MAML2: variants seen among roughly 807,000 people sequenced by gnomAD.
MAML2 encodes the protein mastermind-like protein 2.
In MAML2, 22 loss-of-function variants were observed where a neutral mutation model predicts 96.1. The ratio of observed to expected loss-of-function variants is 0.23; its 90% confidence interval spans 0.16 to 0.33. MAML2 has a LOEUF of 0.33. Among genes scored for constraint, MAML2 ranks in the 10% least tolerant of loss-of-function variants. The pLI, the probability that MAML2 is intolerant of heterozygous loss-of-function variation, is 1.00. For missense variants in MAML2, 1,367 were observed against 1,392.4 expected (o/e 0.98, Z 0.29); for synonymous variants, 561 against 521.3 (o/e 1.08, Z -1.04).
intron 1 of MAML2, among the ~76,000 whole-genome samples, chr11:96,223,497 C>T (rs1294708240): frequency 6.6e-6 from 1 of 152,052 alleles, no homozygotes; most frequent in Non-Finnish European, 1.5e-5. Context: ...ATTTGTCTTG[C>T]CCTGAGTCCT....
rs75490745 is a variant in MAML2 at position 96,224,044 on chromosome 11, C to A, written c.513+117339G>T. On this transcript the variant is annotated intron_variant, in intron 1 of 4. Transcript: ENST00000524717. The stretch of plus-strand genomic sequence containing the variant: ...TTATATTATCTTTGGAGTTAGACAA[C>A]CCTAGATCTGACTTGTCATTCTGCC... 2.0e-4 allele frequency among the ~76,000 whole-genome samples: 30 copies of A among 152,242 alleles called. No homozygotes were observed. The East Asian group carries it at 3.3e-3, about 17-fold the overall frequency.
At chr11:96,120,604 A>G (rs1260463834) in intron 1 of MAML2, among the ~76,000 whole-genome samples, 1 of 152,234 alleles carries the variant, frequency 6.6e-6, no homozygotes, top group Non-Finnish European at 1.5e-5. Context: ...TAATTATATC[A>G]TTAAGTCTTT....
At chr11:96,062,093 C>A (rs1859170432) in intron 2 of MAML2, among the ~76,000 whole-genome samples, 1 of 152,074 alleles carries the variant, frequency 6.6e-6, no homozygotes, top group South Asian at 2.1e-4. Context: ...CTTTAGTAGT[C>A]TTTTCTGATA....
intron 2 of MAML2, among the ~76,000 whole-genome samples, chr11:96,073,648 T>C (rs570610595): frequency 1.3e-5 from 2 of 152,316 alleles, no homozygotes; most frequent in African/African-American, 4.8e-5. Context: ...GACGATTTAA[T>C]GGAGTGAAGC....
chr11:96,172,363 G>C (rs559351370), intron 1 of MAML2, among the ~76,000 whole-genome samples: 12 of 152,334 alleles, frequency 7.9e-5, no homozygotes, highest in African/African-American at 2.4e-4. Flanking sequence ...GAGCCAGACT[G>C]GTGGTGTTCA....
At chr11:96,187,687 G>A (rs532403863) in intron 1 of MAML2, among the ~76,000 whole-genome samples, 5 of 152,110 alleles carry the variant, frequency 3.3e-5, no homozygotes, top group East Asian at 3.9e-4. Context: ...CCAGCTACTC[G>A]GGAGGCTGAG....
intron 3 of MAML2, among the ~76,000 whole-genome samples, chr11:95,988,187 G>A (rs2135706483): frequency 6.6e-6 from 1 of 151,362 alleles, no homozygotes; most frequent in East Asian, 1.9e-4. Context: ...AAGAGAAGAA[G>A]GTGCTTGACT....
In MAML2 at chr11:95,979,612, A is replaced by C; in HGVS notation, c.2807T>G (p.Leu936Trp). ...CATACTATGGGTTAAATTTGGTCTC[A>C]ATTGTTGTGAATTACCAACAGATCC... ...GAGSVGNSQQLRPNLTHSMAS... is the reference protein window; with the variant it reads ...GAGSVGNSQQWRPNLTHSMAS... The change falls in exon 5 of 5, where the codon TTG becomes TGG. Residue 936 changes from leucine (L) to tryptophan (W), a missense_variant. Physicochemically the swap from Leu to Trp is moderately conservative, Grantham distance 61. Coordinates refer to ENST00000524717, the MANE Select transcript of MAML2 (RefSeq NM_032427.4). The C allele has an allele frequency of 6.2e-7, 1 of 1,613,838 alleles. No individual in the cohort carries two copies. Among genetic ancestry groups the C allele is most frequent in the Non-Finnish European group, 8.5e-7 (1 of 1,179,850 alleles).
chr11:96,242,784 A>G (rs1169159845), intron 1 of MAML2, among the ~76,000 whole-genome samples: 2 of 152,222 alleles, frequency 1.3e-5, no homozygotes, highest in East Asian at 3.8e-4. Context: ...TGAAGTGCCA[A>G]TAAATAATAA....
At chr11:96,316,198 T>C (rs1424974089) in intron 1 of MAML2, among the ~76,000 whole-genome samples, 1 of 152,166 alleles carries the variant, frequency 6.6e-6, no homozygotes, top group Non-Finnish European at 1.5e-5. Context: ...TCTTCTGGAA[T>C]AGAATAAGTC....
rs982273150 is a variant in MAML2 at position 96,342,334 on chromosome 11, G to A, written c.-439C>T. On this transcript the variant is annotated 5_prime_UTR_variant, in exon 1 of 5. Transcript: ENST00000524717. ...AGGTATTGAGAGAGGTATTAATAGA[G>A]AGGACTCCCCCTCACCTAGTTGTTT... The A allele has an allele frequency of 1.2e-5, 5 of 403,086 alleles. No homozygotes were observed. The highest frequency in any genetic ancestry group is 4.1e-5 in the African/African-American group (2 of 48,616). The allele number at this position is 403,086 out of a possible 1,614,324, so 25.0% of individuals were successfully genotyped here. A position where few individuals can be genotyped will look rare whatever the true frequency, so the allele number is the denominator to read the frequency against.
At chr11:96,106,339 G>T (rs1591016650) in intron 1 of MAML2, among the ~76,000 whole-genome samples, 1 of 152,178 alleles carries the variant, frequency 6.6e-6, no homozygotes, top group Non-Finnish European at 1.5e-5. Context: ...AAAGCAGTAA[G>T]CCCTCTTCAT....
At chr11:96,133,546 C>G (rs1446913998) in intron 1 of MAML2, among the ~76,000 whole-genome samples, 1 of 151,998 alleles carries the variant, frequency 6.6e-6, no homozygotes, top group Non-Finnish European at 1.5e-5. Context: ...GGTCAATCGA[C>G]TTGGCAGAAA....
At chr11:96,058,054 G>T (rs1339599577) in intron 2 of MAML2, among the ~76,000 whole-genome samples, 2 of 152,210 alleles carry the variant, frequency 1.3e-5, no homozygotes, top group Non-Finnish European at 2.9e-5. Flanking sequence ...CTGTGTCAGA[G>T]CCAGGAAGGC....
chr11:96,166,177 T>TCTCTCACACACACA (rs530578845), intron 1 of MAML2, among the ~76,000 whole-genome samples: 180 of 110,370 alleles, frequency 1.6e-3, no homozygotes, highest in African/African-American at 4.8e-3. Context: ...TCTCTCTCTC[T>TCTCTCACACACACA]CACACACACA....
intron 1 of MAML2, among the ~76,000 whole-genome samples, chr11:96,300,688 A>T (rs1045636571): frequency 1.3e-5 from 2 of 152,208 alleles, no homozygotes; most frequent in African/African-American, 4.8e-5. Context: ...GAAATCAGCA[A>T]AAGGAAGATA....
intron 1 of MAML2, among the ~76,000 whole-genome samples, chr11:96,329,931 C>G (rs1203884714): frequency 1.3e-5 from 2 of 152,194 alleles, no homozygotes; most frequent in Non-Finnish European, 2.9e-5. Context: ...CTTCTGTGAC[C>G]TAGAAGATCG....
intron 1 of MAML2, among the ~76,000 whole-genome samples, chr11:96,288,398 T>A (rs1565274110): frequency 6.6e-6 from 1 of 151,878 alleles, no homozygotes; most frequent in Non-Finnish European, 1.5e-5. Flanking sequence ...AAAAATTAGC[T>A]GGACATGATG....
At chr11:96,137,409 T>C (rs1412518510) in intron 1 of MAML2, among the ~76,000 whole-genome samples, 1 of 152,194 alleles carries the variant, frequency 6.6e-6, no homozygotes, top group Non-Finnish European at 1.5e-5. Context: ...ATCTGACTAG[T>C]TTAGAAAAAT....
Sources: allele counts gnomAD v4.1 joint callset (sites outside exome capture counted in the v4.1 genomes callset), GRCh38; gene constraint gnomAD v4.1.1; transcripts MANE v1.5; gene names NCBI Gene and HGNC (gene_info 2026-07-23, HGNC 2026-07-21).